DIS3L2: variants seen among roughly 807,000 people sequenced by gnomAD.
The protein encoded by DIS3L2 is DIS3-like exonuclease 2.
A neutral mutation model predicts 97.5 loss-of-function variants in DIS3L2; 34 were observed. The observed-to-expected ratio is 0.35, with a 90% CI of 0.27 to 0.46. The LOEUF (loss-of-function observed/expected upper bound fraction) is 0.46. Ranked by LOEUF, DIS3L2 falls within the 20% of genes least tolerant of loss-of-function variation. The probability of loss-of-function intolerance (pLI) is 1.00; values close to 1 mark genes in which losing one functional copy is unlikely to be tolerated. For missense variants in DIS3L2, 1,038 were observed against 1,146.0 expected (o/e 0.91, Z 1.36); for synonymous variants, 435 against 445.2 (o/e 0.98, Z 0.29).
intron 9 of DIS3L2, among the ~76,000 whole-genome samples, chr2:232,200,249 A>T (rs1258466526): frequency 1.3e-5 from 2 of 152,218 alleles, no homozygotes; most frequent in African/African-American, 4.8e-5. Flanking sequence ...AACCACATGA[A>T]ATTGCCAGTT....
chr2:231,997,238 A>G (rs28524098), intron 1 of DIS3L2, among the ~76,000 whole-genome samples: 1 of 152,256 alleles, frequency 6.6e-6, no homozygotes, highest in South Asian at 2.1e-4. Context: ...TTTCTATTCC[A>G]GAGCTTTTCT....
At chr2:232,324,311 A>C (rs1303804289) in intron 14 of DIS3L2, among the ~76,000 whole-genome samples, 1 of 152,186 alleles carries the variant, frequency 6.6e-6, no homozygotes. Context: ...TTCTTATCAA[A>C]GCCACGTTAG....
At chr2:232,042,020 G>A (rs529305388) in intron 5 of DIS3L2, among the ~76,000 whole-genome samples, 1 of 152,282 alleles carries the variant, frequency 6.6e-6, no homozygotes, top group East Asian at 1.9e-4. Context: ...CATGATTTAA[G>A]GAAGTAGCGT....
At chr2:232,222,307 T>TCACAGGGCATTCCAAC (rs139976173) in intron 10 of DIS3L2, among the ~76,000 whole-genome samples, 16 of 152,122 alleles carry the variant, frequency 1.1e-4, no homozygotes, top group African/African-American at 3.6e-4. Context: ...GTATTTTATG[T>TCACAGGGCATTCCAAC]CTCAGGCAGA....
intron 5 of DIS3L2, among the ~76,000 whole-genome samples, chr2:232,075,355 C>A (rs545224455): frequency 1.4e-4 from 22 of 152,310 alleles, no homozygotes; most frequent in Middle Eastern, 3.4e-3. Flanking sequence ...TGTGAAGATT[C>A]ATAATAAAAA....
At chr2:232,142,934 A>G (rs1469529628) in intron 8 of DIS3L2, among the ~76,000 whole-genome samples, 2 of 152,186 alleles carry the variant, frequency 1.3e-5, no homozygotes, top group African/African-American at 2.4e-5. Context: ...GGAGTTTCCA[A>G]CATTGGACCA....
Position 232,221,699 on chromosome 2 carries a change from G to GCA in DIS3L2, c.1204+11295_1204+11296insAC, listed in dbSNP as rs544888939. On this transcript the variant is annotated intron_variant, in intron 10 of 20. Coordinates refer to ENST00000325385, the MANE Select transcript of DIS3L2 (RefSeq NM_152383.5). ...ACCTGTAATCCCAGCTACTCAGGAG[G>GCA]CTGAGGTGGGAGAATCAGTTGAACC... Among the ~76,000 whole-genome samples, 428 of 152,176 alleles carry GCA rather than the reference G, an allele frequency of 2.8e-3. 1 individual carries two copies. The highest frequency in any genetic ancestry group is 4.7e-3 in the Non-Finnish European group (317 of 68,016).
rs544629072 is a variant in DIS3L2, at chr2:232,082,010, G to A, written c.367-5477G>A. Among the ~76,000 whole-genome samples the A allele has an allele frequency of 1.5e-4, 23 of 152,260 alleles. No homozygotes were observed. In the South Asian group the frequency reaches 4.6e-3, roughly 30 times the overall value. On this transcript the variant is annotated intron_variant, in intron 5 of 20. Transcript: ENST00000325385. ...TCGCCATGCTGGCCAGGCTGGTCTC[G>A]AACTCCTGACCTCAGATGATCCGCC...
chr2:232,015,453 T>A, intron 2 of DIS3L2, 61 bp from the exon 3 acceptor site: 1 of 1,575,640 alleles, frequency 6.3e-7, no homozygotes, highest in South Asian at 1.2e-5. Context: ...GTATAATATC[T>A]CCAGTTTTAA....
intron 5 of DIS3L2, among the ~76,000 whole-genome samples, chr2:232,050,096 C>T (rs1695357002): frequency 6.6e-6 from 1 of 152,134 alleles, no homozygotes; most frequent in South Asian, 2.1e-4. Flanking sequence ...TACCTGTTTT[C>T]ATTGGTTGTT....
chr2:232,117,635 C>T (rs975972385), intron 6 of DIS3L2, among the ~76,000 whole-genome samples: 3 of 152,156 alleles, frequency 2.0e-5, no homozygotes, highest in Admixed American at 6.5e-5. Context: ...GGGCCTCTTC[C>T]CTGCCTCTCC....
At chr2:232,149,121 AAAG>A (rs1364453501) in intron 8 of DIS3L2, among the ~76,000 whole-genome samples, 2 of 151,000 alleles carry the variant, frequency 1.3e-5, no homozygotes, top group Non-Finnish European at 2.9e-5. Context: ...ATGAGATGCC[AAAG>A]AAGGCTTAAA....
In DIS3L2 at chr2:232,108,493, A is replaced by T. The variant is rs1466104711; in HGVS notation, c.601+20772A>T. Among the ~76,000 whole-genome samples, 4 of 152,180 alleles carry T rather than the reference A, an allele frequency of 2.6e-5. No homozygotes were observed. In the East Asian group the frequency reaches 7.7e-4, roughly 29 times the overall value. ...GACAAGGTTACTTGAAAACCCTCATAAGACAAGGTTGCTCTCTCTCACCAC... is the reference window on the plus strand; with the variant it reads ...GACAAGGTTACTTGAAAACCCTCATTAGACAAGGTTGCTCTCTCTCACCAC... On this transcript the variant is annotated intron_variant, in intron 6 of 20. Transcript: ENST00000325385.
intron 4 of DIS3L2, among the ~76,000 whole-genome samples, chr2:232,027,364 G>A (rs760410044): frequency 2.0e-5 from 3 of 152,058 alleles, no homozygotes; most frequent in Admixed American, 6.6e-5. Context: ...CAGAACCAGG[G>A]CCTAATTGTT....
At chr2:232,248,872 C>T (rs892675330) in intron 11 of DIS3L2, among the ~76,000 whole-genome samples, 4 of 152,190 alleles carry the variant, frequency 2.6e-5, no homozygotes, top group African/African-American at 7.2e-5. Context: ...TACACTCAAC[C>T]CTTGGGCTCT....
intron 11 of DIS3L2, among the ~76,000 whole-genome samples, chr2:232,243,432 C>T (rs1176567080): frequency 4.6e-5 from 7 of 152,064 alleles, no homozygotes; most frequent in Non-Finnish European, 2.9e-5. Flanking sequence ...ATCACCTTAG[C>T]AACTGTGTGG....
chr2:232,198,718 C>A (rs1432598581), intron 9 of DIS3L2: 1 of 152,218 alleles, frequency 6.6e-6, no homozygotes, highest in Admixed American at 6.5e-5. Flanking sequence ...ACCAAGCCAT[C>A]TCTGCCCTGC....
At chr2:232,313,781 C>T (rs1241884560) in intron 14 of DIS3L2, among the ~76,000 whole-genome samples, 3 of 152,216 alleles carry the variant, frequency 2.0e-5, no homozygotes, top group African/African-American at 2.4e-5. Flanking sequence ...TACAGTTCCA[C>T]CTGGCTGGGG....
In DIS3L2 at chr2:232,335,816, A is replaced by G. The variant is rs2106356333; in HGVS notation, c.2438A>G (p.Lys813Arg). The part of the protein sequence containing the change: ...RSHHFQKVGK[K>R]PELTLVWEPE... ...CACCACTTCCAGAAGGTGGGCAAGA[A>G]GCCGGAACTCACGCTGGTCTGGGAG... is the stretch of plus-strand genomic sequence containing the variant. Residue 813 changes from lysine (K) to arginine (R), a missense_variant, in exon 20 of 21, where the codon AAG (lysine) becomes AGG (arginine). By Grantham distance (26) the Lys-to-Arg change is conservative (BLOSUM62 2). This residue lies in a region of DIS3L2 where 221 missense variants were observed against 246.9 expected (regional missense o/e 0.90). Coordinates refer to ENST00000325385, the MANE Select transcript of DIS3L2 (RefSeq NM_152383.5). The G allele has an allele frequency of 1.3e-6, 2 of 1,550,854 alleles. No homozygotes were observed. Among genetic ancestry groups the G allele is most frequent in the East Asian group, 4.9e-5 (2 of 40,936 alleles).
Sources: allele counts gnomAD v4.1 joint callset (sites outside exome capture counted in the v4.1 genomes callset), GRCh38; gene constraint gnomAD v4.1.1; regional missense constraint gnomAD v4.1.1; transcripts MANE v1.5; gene names NCBI Gene and HGNC (gene_info 2026-07-23, HGNC 2026-07-21).